The following NUDT3 variants were observed in gnomAD, a reference collection of about 807,000 sequenced individuals.
NUDT3 encodes diphosphoinositol polyphosphate phosphohydrolase 1.
A neutral mutation model predicts 23.6 loss-of-function variants in NUDT3; 9 were observed. The ratio of observed to expected loss-of-function variants is 0.38; its 90% CI spans 0.23 to 0.66. The LOEUF is 0.66. Among genes scored for constraint, NUDT3 ranks in the 30% least tolerant of loss-of-function variants. NUDT3 has a pLI of 0.52. For missense variants in NUDT3, 172 were observed against 218.5 expected (o/e 0.79, Z 1.34); for synonymous variants, 86 against 82.6 (o/e 1.04, Z -0.22).
At chr6:34,293,115 T>A (rs1409836671) in intron 4 of NUDT3, among the ~76,000 whole-genome samples, 1 of 152,196 alleles carries the variant, frequency 6.6e-6, no homozygotes, top group African/African-American at 2.4e-5. Flanking sequence ...TAGGCTGGAG[T>A]GCAGTGGCAT....
chr6:34,304,266 AAAAAAG>A (rs1267393839), intron 2 of NUDT3, among the ~76,000 whole-genome samples: 1 of 151,766 alleles, frequency 6.6e-6, no homozygotes, highest in Non-Finnish European at 1.5e-5. Context: ...AAAAAAAAAA[AAAAAAG>A]AAAGTTTGCT....
At chr6:34,365,954 T>C (rs962001077) in intron 1 of NUDT3, among the ~76,000 whole-genome samples, 3 of 152,090 alleles carry the variant, frequency 2.0e-5, no homozygotes, top group South Asian at 2.1e-4. Flanking sequence ...AGCAGGAGAA[T>C]TGCTTGAGCC....
At chr6:34,385,765 C>A (rs185317442) in intron 1 of NUDT3, among the ~76,000 whole-genome samples, 108 of 151,622 alleles carry the variant, frequency 7.1e-4, no homozygotes, top group African/African-American at 2.6e-3. Flanking sequence ...CTCACTGCAA[C>A]CTCCGTCTCC....
intron 1 of NUDT3, among the ~76,000 whole-genome samples, chr6:34,347,893 C>T (rs1764402629): frequency 6.6e-6 from 1 of 151,898 alleles, no homozygotes; most frequent in Non-Finnish European, 1.5e-5. Flanking sequence ...GTCCTAGTTA[C>T]TTGGGAGGCT....
rs201234064 is a variant in NUDT3, at chr6:34,288,807, G to T, written c.465C>A (p.Val155=). ...CAGAAACCGAGTATGTGGTGGCCAC[G>T]ACTGGGGTGCCATTGTTGGCTGAGT... ...QGYSANNGTP[V]VATTYSVSAQ... The change falls in exon 5 of 5, where the codon GTC becomes GTA. Residue 155 remains valine, a synonymous_variant. Coordinates refer to ENST00000607016, the MANE Select transcript of NUDT3 (RefSeq NM_006703.4). The T allele has an allele frequency of 9.0e-5, 145 of 1,614,064 alleles. No individual in the cohort carries two copies. In the South Asian group the frequency reaches 1.5e-3, roughly 17 times the overall value.
Position 34,345,897 on chromosome 6 carries a change from T to C in NUDT3, c.100-3925A>G, listed in dbSNP as rs575002257. Among the ~76,000 whole-genome samples, 18 of 151,912 alleles carry C rather than the reference T, an allele frequency of 1.2e-4. No homozygotes were observed. The East Asian group carries it at 3.3e-3, about 28-fold the overall frequency. ...AATGCTCCTGCCTCAGCCTCCCGAG[T>C]AGCTGGGATTACAGGAATGCACCAC... On this transcript the variant is annotated intron_variant, in intron 1 of 4. Transcript: ENST00000607016.
chr6:34,334,148 G>A (rs754563878), intron 2 of NUDT3, among the ~76,000 whole-genome samples: 3 of 152,196 alleles, frequency 2.0e-5, no homozygotes, highest in Non-Finnish European at 4.4e-5. Context: ...GTACAGCCTT[G>A]GCTGGGCAGT....
chr6:34,369,562 C>T (rs565061758), intron 1 of NUDT3, among the ~76,000 whole-genome samples: 87 of 152,072 alleles, frequency 5.7e-4, no homozygotes, highest in Non-Finnish European at 3.7e-4. Context: ...AAGATAACGT[C>T]AAACAGCGAT....
At chr6:34,379,431 G>A (rs941741238) in intron 1 of NUDT3, among the ~76,000 whole-genome samples, 1 of 151,894 alleles carries the variant, frequency 6.6e-6, no homozygotes, top group African/African-American at 2.4e-5. Context: ...GTGTTAGCAG[G>A]TGCCTGTAAT....
chr6:34,383,713 T>C (rs1393647314), intron 1 of NUDT3, among the ~76,000 whole-genome samples: 2 of 152,094 alleles, frequency 1.3e-5, no homozygotes, highest in African/African-American at 2.4e-5. Context: ...GAAATGAGAA[T>C]TAAAGCAGAA....
intron 1 of NUDT3, among the ~76,000 whole-genome samples, chr6:34,384,900 G>C (rs1765079900): frequency 6.6e-6 from 1 of 151,188 alleles, no homozygotes; most frequent in African/African-American, 2.4e-5. Context: ...AAGGTGGCAG[G>C]CACTTGTACT....
At chr6:34,326,914 C>T (rs190431840) in intron 2 of NUDT3, among the ~76,000 whole-genome samples, 135 of 152,072 alleles carry the variant, frequency 8.9e-4, no homozygotes, top group Admixed American at 3.2e-3. Flanking sequence ...CGGGGCTTGA[C>T]GGGTGTTCTC....
intron 1 of NUDT3, among the ~76,000 whole-genome samples, chr6:34,373,052 G>A (rs909933359): frequency 2.6e-5 from 4 of 151,908 alleles, no homozygotes; most frequent in African/African-American, 9.7e-5. Flanking sequence ...AGCCGAGGCG[G>A]GCGAATCACA....
chr6:34,352,875 T>A (rs1306613892), intron 1 of NUDT3, among the ~76,000 whole-genome samples: 1 of 152,196 alleles, frequency 6.6e-6, no homozygotes, highest in East Asian at 1.9e-4. Flanking sequence ...CTTTTTTAGT[T>A]TTAAAATGAG....
In NUDT3 at chr6:34,392,409, G is replaced by C. The variant is rs201390357; in HGVS notation, c.-47C>G. 1.3e-6 allele frequency: 2 copies of C among 1,485,956 alleles called. No individual in the cohort carries two copies. Among genetic ancestry groups the C allele is most frequent in the Non-Finnish European group, 1.8e-6 (2 of 1,089,732 alleles). 92.0% of individuals were successfully genotyped at this position (1,485,956 alleles called of 1,614,324 possible). ...GCGGTGCGGGTCGCAGGAGTCGAGG[G>C]GTGGGGAGCCCGCTCTGGACGGCCG... On this transcript the variant is annotated 5_prime_UTR_variant, in exon 1 of 5. Transcript: ENST00000607016.
intron 2 of NUDT3, among the ~76,000 whole-genome samples, chr6:34,332,173 C>G (rs1764138376): frequency 6.6e-6 from 1 of 152,132 alleles, no homozygotes; most frequent in Non-Finnish European, 1.5e-5. Flanking sequence ...AACTTAACTA[C>G]TAATAATCTA....
intron 1 of NUDT3, among the ~76,000 whole-genome samples, chr6:34,370,207 A>T (rs866645902): frequency 2.4e-4 from 36 of 152,208 alleles, no homozygotes; most frequent in African/African-American, 8.7e-4. Flanking sequence ...CATCTCCACT[A>T]TGCTCTATGA....
chr6:34,324,124 G>A (rs1340714798), intron 2 of NUDT3, among the ~76,000 whole-genome samples: 1 of 152,094 alleles, frequency 6.6e-6, no homozygotes, highest in East Asian at 1.9e-4. Flanking sequence ...GGAGGTGGAG[G>A]TGCACAGATC....
At position 34,284,939 on chromosome 6, in the gene NUDT3, T is replaced by C. The variant is rs1763317004; in HGVS notation, c.*3814A>G. 1 of 152,214 alleles carries C rather than the reference T, an allele frequency of 6.6e-6. No homozygotes were observed. The highest frequency in any genetic ancestry group is 1.9e-4 in the East Asian group (1 of 5,192). The allele number at this position is 152,214 out of a possible 1,614,324, so 9.4% of individuals were successfully genotyped here. A position where few individuals can be genotyped will look rare whatever the true frequency, so the allele number is the denominator to read the frequency against. On this transcript the variant is annotated 3_prime_UTR_variant, in exon 5 of 5. Transcript: ENST00000607016. The stretch of plus-strand genomic sequence containing the variant: ...ACACTCCCAGAGGGCAGTGACCTAC[T>C]CTGCTCCCCAGAGGCTCCAAGAAGC...
Sources: allele counts gnomAD v4.1 joint callset (sites outside exome capture counted in the v4.1 genomes callset), GRCh38; gene constraint gnomAD v4.1.1; transcripts MANE v1.5; gene names NCBI Gene and HGNC (gene_info 2026-07-23, HGNC 2026-07-21).